SORBS2: variants seen among roughly 807,000 people sequenced by gnomAD.
The protein encoded by SORBS2 is sorbin and SH3 domain-containing protein 2.
In SORBS2, 46 loss-of-function variants were observed where a neutral mutation model predicts 97.7. That is an observed-to-expected ratio of 0.47 (90% CI 0.37 to 0.60). SORBS2 has a LOEUF of 0.60. Ranked by LOEUF, SORBS2 falls within the 20% of genes least tolerant of loss-of-function variation. The pLI is 0.00. For synonymous variants in SORBS2, 476 were observed against 473.4 expected, an observed-to-expected ratio of 1.01 and a Z score of -0.07; for missense variants, 1,316 against 1,282.3, an observed-to-expected ratio of 1.03 and a Z score of -0.40.
intron 1 of SORBS2, among the ~76,000 whole-genome samples, chr4:185,842,091 A>G (rs1045747181): frequency 2.0e-5 from 3 of 152,250 alleles, no homozygotes; most frequent in African/African-American, 4.8e-5. Flanking sequence ...AATAAGTGAT[A>G]TAAGAAACTA....
intron 1 of SORBS2, among the ~76,000 whole-genome samples, chr4:185,827,906 TAC>T (rs2099202646): frequency 1.8e-5 from 2 of 109,048 alleles, no homozygotes; most frequent in Admixed American, 1.9e-4. Flanking sequence ...ATCATCATCA[TAC>T]CATCATCATC....
At chr4:185,873,953 A>G (rs2099231887) in intron 1 of SORBS2, among the ~76,000 whole-genome samples, 1 of 152,136 alleles carries the variant, frequency 6.6e-6, no homozygotes, top group South Asian at 2.1e-4. Context: ...TTGCTAGCTT[A>G]TATCAAACAT....
intron 2 of SORBS2, among the ~76,000 whole-genome samples, chr4:185,715,097 T>C (rs1268830323): frequency 6.6e-6 from 1 of 152,212 alleles, no homozygotes; most frequent in Non-Finnish European, 1.5e-5. Context: ...TTAATCTCCA[T>C]GAATTTGTTT....
At chr4:185,688,308 T>C (rs2098012249) in intron 2 of SORBS2, among the ~76,000 whole-genome samples, 1 of 152,098 alleles carries the variant, frequency 6.6e-6, no homozygotes, top group South Asian at 2.1e-4. Context: ...CACATGAAGA[T>C]TTAAATAGGA....
chr4:185,667,667 AACATAG>A (rs2097638357), intron 4 of SORBS2, among the ~76,000 whole-genome samples: 1 of 115,442 alleles, frequency 8.7e-6, no homozygotes, highest in Non-Finnish European at 1.7e-5. Flanking sequence ...TTCTTGTTTA[AACATAG>A]TCATTTTAAA....
intron 2 of SORBS2, among the ~76,000 whole-genome samples, chr4:185,748,809 C>T (rs970086839): frequency 1.3e-5 from 2 of 152,140 alleles, no homozygotes; most frequent in Admixed American, 6.5e-5. Flanking sequence ...TACATTTTGC[C>T]TTCGGCAAGT....
At chr4:185,765,696 A>G (rs1002350792) in intron 2 of SORBS2, among the ~76,000 whole-genome samples, 2 of 152,228 alleles carry the variant, frequency 1.3e-5, no homozygotes, top group African/African-American at 4.8e-5. Context: ...TAATTCTTAA[A>G]GATGCTCAAA....
At chr4:185,587,824 A>G in intron 14 of SORBS2, 136 bp from the exon 27 acceptor site, 1 of 684,356 alleles carries the variant, frequency 1.5e-6, no homozygotes, top group Non-Finnish European at 2.6e-6. Flanking sequence ...CAGGCAACTC[A>G]CATGAAGCCC....
At chr4:185,864,087 T>G in intron 1 of SORBS2, among the ~76,000 whole-genome samples, 1 of 152,228 alleles carries the variant, frequency 6.6e-6, no homozygotes, top group East Asian at 1.9e-4. Flanking sequence ...ATTTTAACTC[T>G]CTTATCAATA....
intron 4 of SORBS2, among the ~76,000 whole-genome samples, chr4:185,669,952 C>T (rs1038512323): frequency 2.0e-5 from 3 of 152,198 alleles, no homozygotes; most frequent in Admixed American, 6.5e-5. Context: ...AGCGCAGTGG[C>T]TCACACCTGT....
At chr4:185,867,759 G>A (rs896344029) in intron 1 of SORBS2, among the ~76,000 whole-genome samples, 13 of 152,026 alleles carry the variant, frequency 8.6e-5, no homozygotes, top group Admixed American at 2.0e-4. Flanking sequence ...GTCCATTATC[G>A]ACTCTCTCTA....
chr4:185,627,012 T>A, exon 6 of SORBS2: 1 of 1,614,052 alleles, frequency 6.2e-7, no homozygotes. Flanking sequence ...CTGGCCATGC[T>A]TGCAGAACTG....
chr4:185,785,751 G>A (rs1482803676), intron 1 of SORBS2, among the ~76,000 whole-genome samples: 1 of 152,198 alleles, frequency 6.6e-6, no homozygotes, highest in Non-Finnish European at 1.5e-5. Context: ...TGTTGGCTGA[G>A]GCTGTTTCCA....
At chr4:185,843,166 G>T (rs535424060) in intron 1 of SORBS2, among the ~76,000 whole-genome samples, 2 of 152,218 alleles carry the variant, frequency 1.3e-5, no homozygotes, top group East Asian at 1.9e-4. Flanking sequence ...AAAGGCAGCT[G>T]CAGGAAAAGG....
At chr4:185,590,499 A>G (rs903654398) in intron 13 of SORBS2, among the ~76,000 whole-genome samples, 4 of 152,200 alleles carry the variant, frequency 2.6e-5, no homozygotes, top group Non-Finnish European at 5.9e-5. Context: ...TACTGATTCC[A>G]TTTCAAGCAG....
In SORBS2 at chr4:185,927,051, T is replaced by C. The variant is rs534407632; in HGVS notation, c.-338+29145A>G. Among the ~76,000 whole-genome samples, 291 of 151,134 alleles carry C rather than the reference T, an allele frequency of 1.9e-3. 3 individuals carry two copies. The highest frequency in any genetic ancestry group is 6.6e-3 in the African/African-American group (274 of 41,370). ...AATCAAGTCAATTTTATATGTGATA[T>C]ATATGAAATATGATACCACATATTA... On this transcript the variant is annotated intron_variant, in intron 1 of 20. Transcript: ENST00000284776.
At chr4:185,772,576 G>A (rs549138892) in intron 2 of SORBS2, 4 of 152,234 alleles carry the variant, frequency 2.6e-5, no homozygotes, top group African/African-American at 9.6e-5. Context: ...TCCTTCAGCT[G>A]AATTATACCA....
At chr4:185,913,576 C>T (rs967266074) in intron 1 of SORBS2, among the ~76,000 whole-genome samples, 2 of 152,130 alleles carry the variant, frequency 1.3e-5, no homozygotes, top group African/African-American at 4.8e-5. Flanking sequence ...TCCTATTAAA[C>T]ATTTTCTCAT....
At position 185,587,648 on chromosome 4, in the gene SORBS2, T is replaced by C. The variant is rs372171779; in HGVS notation, c.2994A>G (p.Gly998=). The change falls in exon 15 of 15, where the codon GGA becomes GGG. Residue 998 remains glycine (G), a synonymous_variant. Transcript: ENST00000418609. ...CAATTCACAGCCTCTTGACGTAGTTTCCGGGGAAAGTACCAAAGAATTTGG... is the reference window on the plus strand; with the variant it reads ...CAATTCACAGCCTCTTGACGTAGTTCCCGGGGAAAGTACCAAAGAATTTGG... 9.3e-6 allele frequency: 15 copies of C among 1,613,402 alleles called. No individual in the cohort carries two copies. The African/African-American group carries it at 1.7e-4, about 19-fold the overall frequency.
Sources: gnomAD v4.1 joint callset for allele counts (sites outside exome capture counted in the v4.1 genomes callset) on GRCh38, gnomAD v4.1.1 for gene constraint, MANE v1.5 for transcripts, NCBI Gene and HGNC (gene_info 2026-07-23, HGNC 2026-07-21) for gene names.